The following TLN2 variants were observed in gnomAD, a reference collection of about 807,000 sequenced individuals.
TLN2 encodes talin 2.
Under a neutral mutation model 294.7 loss-of-function variants are expected in TLN2, and 118 were observed. The ratio of observed to expected loss-of-function variants is 0.40; its 90% CI spans 0.34 to 0.47. TLN2 has a LOEUF of 0.47. Among genes scored for constraint, TLN2 ranks in the 20% least tolerant of loss-of-function variants. The pLI is 0.84. For synonymous variants in TLN2, 1,431 were observed against 1,304.5 expected (o/e 1.10, Z -2.09); for missense variants, 3,083 against 3,282.2 (o/e 0.94, Z 1.48).
chr15:62,837,391 A>C (rs986015299), intron 57 of TLN2, among the ~76,000 whole-genome samples: 1 of 152,208 alleles, frequency 6.6e-6, no homozygotes, highest in Non-Finnish European at 1.5e-5. Context: ...TAGGTGCATA[A>C]TCTTATATAA....
At chr15:62,678,456 A>T (rs1421074996) in intron 11 of TLN2, among the ~76,000 whole-genome samples, 1 of 152,236 alleles carries the variant, frequency 6.6e-6, no homozygotes, top group Non-Finnish European at 1.5e-5. Flanking sequence ...GCTGGAATAT[A>T]AGTGTGCTTG....
Position 62,722,483 on chromosome 15 carries a change from A to G in TLN2, c.3122A>G (p.Gln1041Arg), listed in dbSNP as rs1443147922. The change falls in exon 26 of 59, where the codon CAG becomes CGG. Residue 1041 changes from glutamine to arginine, a missense_variant. By Grantham distance (43) the Gln-to-Arg change is conservative (BLOSUM62 1). Coordinates refer to ENST00000636159, the MANE Select transcript of TLN2 (RefSeq NM_015059.3). The stretch of plus-strand genomic sequence containing the variant: ...TTGGCGGAGCTGCGTACCGCCTCGC[A>G]GAAGGCAAGTGGAGCGTGTCATAGG... The part of the protein sequence containing the change: ...TSLAELRTAS[Q>R]KAHEACGPME... The G allele has an allele frequency of 5.0e-6, 8 of 1,610,672 alleles. No homozygotes were observed. Among genetic ancestry groups the G allele is most frequent in the Non-Finnish European group, 6.8e-6 (8 of 1,178,672 alleles).
chr15:62,814,009 T>C (rs11852642), intron 52 of TLN2, among the ~76,000 whole-genome samples: 1,841 of 152,222 alleles, frequency 0.012, 21 homozygotes, highest in Non-Finnish European at 0.02. Flanking sequence ...AGATGGGGTT[T>C]CACCATGTTG....
chr15:62,604,978 G>T (rs2047314616), intron 2 of TLN2, among the ~76,000 whole-genome samples: 1 of 152,036 alleles, frequency 6.6e-6, no homozygotes, highest in Admixed American at 6.6e-5. Flanking sequence ...CAGCTGTCTT[G>T]TATGTCTTGT....
At chr15:62,650,026 G>A in intron 4 of TLN2, 58 bp from the exon 5 acceptor site, 1 of 1,558,706 alleles carries the variant, frequency 6.4e-7, no homozygotes, top group Non-Finnish European at 8.8e-7. Context: ...GGGCCTGGAA[G>A]TCAGTGATGG....
chr15:62,817,513 T>A (rs1213481989), intron 52 of TLN2, among the ~76,000 whole-genome samples: 1 of 152,176 alleles, frequency 6.6e-6, no homozygotes, highest in Admixed American at 6.5e-5. Context: ...GCTCAAAGAT[T>A]ATTGACTAAT....
chr15:62,822,395 GA>G (rs1308911541), intron 54 of TLN2, among the ~76,000 whole-genome samples: 1 of 152,214 alleles, frequency 6.6e-6, no homozygotes, highest in Admixed American at 6.5e-5. Flanking sequence ...ACTGGCCCCT[GA>G]AGAAAGAAAA....
At chr15:62,569,178 A>G (rs1281517800) in intron 1 of TLN2, among the ~76,000 whole-genome samples, 2 of 151,982 alleles carry the variant, frequency 1.3e-5, no homozygotes, top group African/African-American at 4.8e-5. Flanking sequence ...TGGATTTAGG[A>G]CCCACCTGTG....
chr15:62,789,885 C>T (rs1282416760), intron 45 of TLN2, among the ~76,000 whole-genome samples: 1 of 152,198 alleles, frequency 6.6e-6, no homozygotes, highest in African/African-American at 2.4e-5. Context: ...GTTAGGAAAA[C>T]CCGCCTTGCT....
intron 34 of TLN2, 71 bp from the exon 35 acceptor site, chr15:62,752,234 G>GT: frequency 6.4e-7 from 1 of 1,561,720 alleles, no homozygotes; most frequent in Non-Finnish European, 8.7e-7. Context: ...TAAAGTTGGA[G>GT]TGTAGCCTCC....
chr15:62,708,654 C>T lies in TLN2; in HGVS notation c.2325C>T (p.Ser775=), dbSNP rs759912639. Residue 775 remains serine (S), a synonymous_variant, in exon 21 of 59, where the codon AGC becomes AGT. Coordinates refer to ENST00000636159, the MANE Select transcript of TLN2 (RefSeq NM_015059.3). ...TGAAGCAGGTCAGCGCAGCGGCCAG[C>T]GTGGTCAGCCAGGCCCTCCATGATC... The part of the protein sequence containing the change: ...ELLKQVSAAA[S]VVSQALHDLL... 5.6e-6 allele frequency: 9 copies of T among 1,614,052 alleles called. No individual in the cohort carries two copies. The highest frequency in any genetic ancestry group is 3.3e-5 in the South Asian group (3 of 91,086).
chr15:62,606,599 C>T (rs77117265), intron 2 of TLN2, among the ~76,000 whole-genome samples: 2,898 of 152,240 alleles, frequency 0.019, 84 homozygotes, highest in East Asian at 0.1. Flanking sequence ...ATAAGGTCAG[C>T]GATACAGCAT....
chr15:62,665,450 A>G (rs75464668), intron 9 of TLN2, among the ~76,000 whole-genome samples: 2,395 of 152,304 alleles, frequency 0.016, 20 homozygotes, highest in Middle Eastern at 0.027. Context: ...TGGCAAAGGC[A>G]AAAGTAATAG....
chr15:62,693,969 T>TG (rs1352537786), intron 13 of TLN2, among the ~76,000 whole-genome samples: 173 of 5,748 alleles, frequency 0.03, 1 homozygote, highest in South Asian at 0.12. Context: ...TTTTTTTTTT[T>TG]TTTTTTTTTT....
chr15:62,549,522 AGTGAGT>A (rs2042181934), intron 1 of TLN2, among the ~76,000 whole-genome samples: 1 of 151,974 alleles, frequency 6.6e-6, no homozygotes, highest in African/African-American at 2.4e-5. Flanking sequence ...CCATCCATCC[AGTGAGT>A]TCCTGCTATG....
At chr15:62,803,189 A>C (rs867573612) in intron 50 of TLN2, among the ~76,000 whole-genome samples, 3 of 152,012 alleles carry the variant, frequency 2.0e-5, no homozygotes, top group Non-Finnish European at 4.4e-5. Flanking sequence ...GTCTGCTGCT[A>C]AGCATATTGG....
intron 37 of TLN2, among the ~76,000 whole-genome samples, chr15:62,760,006 C>T (rs1319388149): frequency 6.6e-6 from 1 of 152,232 alleles, no homozygotes; most frequent in African/African-American, 2.4e-5. Flanking sequence ...TGGTTCACTT[C>T]TACGTGGCCA....
chr15:62,409,869 A>C (rs1333843403), intron 1 of TLN2, among the ~76,000 whole-genome samples: 2 of 152,228 alleles, frequency 1.3e-5, no homozygotes, highest in African/African-American at 4.8e-5. Flanking sequence ...TGTTTCCACA[A>C]ATGAATTTTT....
intron 37 of TLN2, among the ~76,000 whole-genome samples, chr15:62,756,913 A>G (rs942672059): frequency 6.6e-6 from 1 of 152,132 alleles, no homozygotes; most frequent in African/African-American, 2.4e-5. Context: ...TTAGAAATGA[A>G]CAAACAAAAA....
Sources: gnomAD v4.1 joint callset for allele counts (sites outside exome capture counted in the v4.1 genomes callset) on GRCh38, gnomAD v4.1.1 for gene constraint, MANE v1.5 for transcripts, NCBI Gene and HGNC (gene_info 2026-07-23, HGNC 2026-07-21) for gene names.